Variants in USP15 observed in about 807,000 individuals in gnomAD.
USP15 encodes ubiquitin specific peptidase 15, also known as ubiquitin carboxyl-terminal hydrolase 15.
A neutral mutation model predicts 127.1 loss-of-function variants in USP15; 18 were observed. The ratio of observed to expected loss-of-function variants is 0.14; its 90% CI spans 0.10 to 0.21. USP15 has a LOEUF of 0.21. USP15 is among the 10% of genes least tolerant of loss of function. The pLI is 1.00. For missense variants in USP15, 805 were observed against 1,159.9 expected, an observed-to-expected ratio of 0.69 and a Z score of 4.44; for synonymous variants, 364 against 393.7, an observed-to-expected ratio of 0.92 and a Z score of 0.89.
At chr12:62,352,882 A>G (rs943682036) in intron 7 of USP15, among the ~76,000 whole-genome samples, 5 of 152,018 alleles carry the variant, frequency 3.3e-5, no homozygotes, top group African/African-American at 1.2e-4. Flanking sequence ...GATATAATAC[A>G]GAATTAATCT....
chr12:62,321,368 G>C (rs1713606873), intron 4 of USP15, 96 bp from the exon 5 acceptor site: 3 of 698,980 alleles, frequency 4.3e-6, no homozygotes, highest in Non-Finnish European at 6.3e-6. Context: ...TTTTCTATTA[G>C]TATTTTAAAG....
chr12:62,366,371 G>A (rs1243683603), intron 8 of USP15, among the ~76,000 whole-genome samples: 1 of 151,982 alleles, frequency 6.6e-6, no homozygotes, highest in Non-Finnish European at 1.5e-5. Flanking sequence ...TGGTATATAG[G>A]AATGCTTGTG....
At chr12:62,342,921 G>T (rs1243143935) in intron 6 of USP15, among the ~76,000 whole-genome samples, 2 of 152,186 alleles carry the variant, frequency 1.3e-5, no homozygotes, top group Non-Finnish European at 2.9e-5. Context: ...AGCAGAGCTG[G>T]TACGCTGTGC....
intron 8 of USP15, among the ~76,000 whole-genome samples, chr12:62,367,784 G>A (rs946456872): frequency 6.6e-6 from 1 of 151,684 alleles, no homozygotes; most frequent in African/African-American, 2.4e-5. Flanking sequence ...TGATTTTTTT[G>A]AAAGGTTTTT....
intron 8 of USP15, among the ~76,000 whole-genome samples, chr12:62,358,558 A>G (rs2066212452): frequency 6.6e-6 from 1 of 152,094 alleles, no homozygotes. Flanking sequence ...CTACTAAAAA[A>G]TACAAAAATT....
At chr12:62,260,673 T>C (rs1211080727) in intron 1 of USP15, among the ~76,000 whole-genome samples, 170 bp downstream of exon 1, 2 of 152,026 alleles carry the variant, frequency 1.3e-5, no homozygotes, top group Non-Finnish European at 2.9e-5. Flanking sequence ...GGTTGGACTC[T>C]AGATGAGGGT....
intron 6 of USP15, among the ~76,000 whole-genome samples, chr12:62,345,692 G>C (rs1311908099): frequency 6.6e-6 from 1 of 152,052 alleles, no homozygotes. Context: ...CTTGAGACTG[G>C]GCAATTTACA....
At chr12:62,283,896 C>T (rs571371070) in intron 1 of USP15, among the ~76,000 whole-genome samples, 8 of 152,108 alleles carry the variant, frequency 5.3e-5, no homozygotes, top group Non-Finnish European at 1.2e-4. Context: ...AAGCCAAGAT[C>T]GTGCCACCAC....
intron 3 of USP15, among the ~76,000 whole-genome samples, chr12:62,309,573 A>G (rs956949982): frequency 6.6e-6 from 1 of 152,048 alleles, no homozygotes; most frequent in Non-Finnish European, 1.5e-5. Flanking sequence ...GCTAGCATAA[A>G]CATGACATAA....
At chr12:62,269,106 C>T (rs1396319648) in intron 1 of USP15, among the ~76,000 whole-genome samples, 1 of 152,048 alleles carries the variant, frequency 6.6e-6, no homozygotes, top group African/African-American at 2.4e-5. Context: ...CTGAATGATA[C>T]AGTCATGAGT....
chr12:62,329,447 G>A (rs2065221350), intron 6 of USP15, among the ~76,000 whole-genome samples: 1 of 152,138 alleles, frequency 6.6e-6, no homozygotes, highest in South Asian at 2.1e-4. Flanking sequence ...AGAACATAAT[G>A]TTCAAATTTA....
Position 62,316,604 on chromosome 12 carries a change from A to T in USP15, c.475+1688A>T, listed in dbSNP as rs548602053. Among the ~76,000 whole-genome samples the T allele has an allele frequency of 3.0e-4, 45 of 152,150 alleles. 1 individual carries two copies. Among genetic ancestry groups the T allele is most frequent in the Admixed American group, 1.2e-3 (18 of 15,278 alleles). On this transcript the variant is annotated intron_variant, in intron 4 of 21. Coordinates refer to ENST00000280377, the MANE Select transcript of USP15 (RefSeq NM_001252078.2). ...CCAATTGGAATATAAATGAGAAGCT[A>T]CCTCTTAAAATAATGTTTTCTAGTT...
intron 8 of USP15, among the ~76,000 whole-genome samples, chr12:62,380,262 T>C (rs2066949982): frequency 6.6e-6 from 1 of 151,856 alleles, no homozygotes; most frequent in Non-Finnish European, 1.5e-5. Flanking sequence ...ATAGATATTA[T>C]TGACTACTTC....
chr12:62,289,707 G>GTGTGTGTT (rs1022760561), intron 1 of USP15, among the ~76,000 whole-genome samples: 5 of 150,512 alleles, frequency 3.3e-5, no homozygotes, highest in African/African-American at 9.8e-5. Flanking sequence ...TTGTGTGTGT[G>GTGTGTGTT]TGTGTGTGTG....
intron 1 of USP15, among the ~76,000 whole-genome samples, chr12:62,292,929 G>C (rs1377454266): frequency 6.6e-6 from 1 of 152,144 alleles, no homozygotes; most frequent in Non-Finnish European, 1.5e-5. Context: ...GTCAGCAAGA[G>C]CTCCCAGGAT....
chr12:62,328,343 G>C, intron 6 of USP15: 1 of 452,066 alleles, frequency 2.2e-6, no homozygotes, highest in Non-Finnish European at 4.5e-6. Context: ...GATGTAGTAT[G>C]AAAGCAGCCT....
Position 62,385,325 on chromosome 12 carries a change from A to G in USP15, c.1473+1023A>G, listed in dbSNP as rs144482654. Among the ~76,000 whole-genome samples, 251 of 152,058 alleles carry G rather than the reference A, an allele frequency of 1.7e-3. 3 individuals are homozygous for G. Among genetic ancestry groups the G allele is most frequent in the African/African-American group, 5.8e-3 (240 of 41,560 alleles). On this transcript the variant is annotated intron_variant, in intron 11 of 21. Transcript: ENST00000280377. ...GCCAAATAGCTCAGTTTGTTAGTGC[A>G]TAATAGTCACGATGTCTATATGAAA... is the stretch of plus-strand genomic sequence containing the variant.
At chr12:62,348,205 C>G (rs1402605249) in intron 6 of USP15, among the ~76,000 whole-genome samples, 1 of 151,964 alleles carries the variant, frequency 6.6e-6, no homozygotes, top group East Asian at 1.9e-4. Flanking sequence ...GAAACCCTGT[C>G]TCTAAAAAAG....
intron 6 of USP15, among the ~76,000 whole-genome samples, chr12:62,330,606 A>C (rs1396978217): frequency 1.3e-5 from 2 of 149,198 alleles, no homozygotes; most frequent in African/African-American, 5.0e-5. Context: ...AAAAAAATAG[A>C]ATGCCTCTGT....
Sources: allele counts gnomAD v4.1 joint callset (sites outside exome capture counted in the v4.1 genomes callset), GRCh38; gene constraint gnomAD v4.1.1; transcripts MANE v1.5; gene names NCBI Gene and HGNC (gene_info 2026-07-23, HGNC 2026-07-21).